The following CNTLN variants were observed in gnomAD, a reference collection of about 807,000 sequenced individuals.
CNTLN encodes centlein, centrosomal protein.
A neutral mutation model predicts 180.0 loss-of-function variants in CNTLN; 212 were observed. The observed-to-expected ratio is 1.18, with a 90% CI of 1.05 to 1.32. The LOEUF (loss-of-function observed/expected upper bound fraction) is 1.32, where lower values mean the gene tolerates loss of function less well. Ranked by LOEUF, CNTLN falls within the 40% of genes most tolerant of loss-of-function variation. CNTLN has a pLI of 0.00. For missense variants in CNTLN, 2,095 were observed against 1,610.9 expected (o/e 1.30, Z -5.14); for synonymous variants, 722 against 563.1 (o/e 1.28, Z -3.99).
At chr9:17,515,956 A>G in the CNTLN span, among the ~76,000 whole-genome samples, 1 of 152,134 alleles carries the variant, frequency 6.6e-6, no homozygotes, top group Non-Finnish European at 1.5e-5. Flanking sequence ...CCTGGCCACC[A>G]GTTCTCTATC....
intron 18 of CNTLN, among the ~76,000 whole-genome samples, chr9:17,440,083 G>A (rs998948633): frequency 7.2e-5 from 11 of 152,130 alleles, no homozygotes; most frequent in African/African-American, 2.4e-4. Flanking sequence ...TCCAGAAGCT[G>A]GATCGCTGAG....
Position 17,283,394 on chromosome 9 carries a change from TG to T in CNTLN, c.983+9529del, listed in dbSNP as rs532118784. Among the ~76,000 whole-genome samples the T allele has an allele frequency of 2.9e-3, 441 of 152,298 alleles. 1 individual carries two copies. Among genetic ancestry groups the T allele is most frequent in the Non-Finnish European group, 4.6e-3 (315 of 68,020 alleles). ...GAAGTTCATTCATGATTGGGCTCTC[TG>T]CTTGTCTATTGTTAGTGTATGGGAA... is the stretch of plus-strand genomic sequence containing the variant. On this transcript the variant is annotated intron_variant, in intron 6 of 25. Coordinates refer to ENST00000380647, the MANE Select transcript of CNTLN (RefSeq NM_017738.4).
At chr9:17,404,359 G>T (rs1827213385) in intron 15 of CNTLN, among the ~76,000 whole-genome samples, 1 of 151,668 alleles carries the variant, frequency 6.6e-6, no homozygotes, top group African/African-American at 2.4e-5. Context: ...CACTGGAGGA[G>T]TTTTTGCTTC....
intron 5 of CNTLN, among the ~76,000 whole-genome samples, chr9:17,252,704 G>A (rs918741635): frequency 2.6e-5 from 4 of 151,602 alleles, no homozygotes; most frequent in Non-Finnish European, 5.9e-5. Flanking sequence ...TTTGAAGATT[G>A]TCTGTTTTTT....
At chr9:17,362,332 G>A (rs1208727334) in intron 12 of CNTLN, among the ~76,000 whole-genome samples, 1 of 152,038 alleles carries the variant, frequency 6.6e-6, no homozygotes, top group African/African-American at 2.4e-5. Context: ...CTTAATCATT[G>A]TGTGGTTGAG....
intron 18 of CNTLN, among the ~76,000 whole-genome samples, chr9:17,433,850 G>C (rs1829589618): frequency 6.6e-6 from 1 of 151,998 alleles, no homozygotes; most frequent in African/African-American, 2.4e-5. Context: ...CAAAGTTCCG[G>C]GATTATAGGC....
At chr9:17,203,276 C>G (rs1261501403) in intron 2 of CNTLN, among the ~76,000 whole-genome samples, 1 of 152,032 alleles carries the variant, frequency 6.6e-6, no homozygotes, top group Non-Finnish European at 1.5e-5. Flanking sequence ...ACATTTTTTC[C>G]TTCATTTCAA....
intron 2 of CNTLN, among the ~76,000 whole-genome samples, chr9:17,156,603 A>G (rs1819309847): frequency 1.3e-5 from 2 of 152,142 alleles, no homozygotes; most frequent in Admixed American, 6.5e-5. Flanking sequence ...TGTACCCTAT[A>G]GTTGCCATAA....
chr9:17,466,053 G>A lies in CNTLN; in HGVS notation c.3604G>A (p.Ala1202Thr), dbSNP rs371466627. Residue 1202 changes from alanine (A) to threonine (T), a missense_variant, in exon 22 of 26, where the codon GCT (alanine) becomes ACT (threonine). Ala to Thr is a moderately conservative substitution (Grantham distance 58). Transcript: ENST00000380647. ...TTCACTAAAGCAAAGACTTAACGTTGCTGTAAAAGAAAAGTCACAGTATGA... is the reference window on the plus strand; with the variant it reads ...TTCACTAAAGCAAAGACTTAACGTTACTGTAAAAGAAAAGTCACAGTATGA... ...IDSLKQRLNV[A>T]VKEKSQYEQM... 6.2e-7 allele frequency: 1 copy of A among 1,605,598 alleles called. No homozygotes were observed. The highest frequency in any genetic ancestry group is 1.3e-5 in the African/African-American group (1 of 74,560).
chr9:17,252,255 C>A (rs979761164), intron 5 of CNTLN, among the ~76,000 whole-genome samples: 11 of 151,724 alleles, frequency 7.3e-5, no homozygotes, highest in African/African-American at 2.7e-4. Flanking sequence ...GGATAGATAC[C>A]CAGTAGTGGG....
At chr9:17,385,047 G>A (rs150086755) in intron 13 of CNTLN, among the ~76,000 whole-genome samples, 1 of 152,128 alleles carries the variant, frequency 6.6e-6, no homozygotes, top group African/African-American at 2.4e-5. Context: ...CCCTTCCTCA[G>A]ATTAGTTAAT....
At chr9:17,374,057 A>G (rs1169567308) in intron 13 of CNTLN, among the ~76,000 whole-genome samples, 2 of 152,216 alleles carry the variant, frequency 1.3e-5, no homozygotes. Context: ...TGGACTGAGC[A>G]AGGATCTTTT....
intron 9 of CNTLN, 123 bp from the exon 10 acceptor site, chr9:17,332,482 C>A: frequency 1.3e-6 from 1 of 780,956 alleles, no homozygotes; most frequent in Non-Finnish European, 1.9e-6. Context: ...GTATTCCATG[C>A]AGGATTTTTT....
At chr9:17,275,549 G>A (rs1828255308) in intron 6 of CNTLN, among the ~76,000 whole-genome samples, 1 of 152,138 alleles carries the variant, frequency 6.6e-6, no homozygotes, top group East Asian at 1.9e-4. Context: ...ATCTGGAACT[G>A]CATAAAATAT....
At chr9:17,179,181 T>C (rs151244592) in intron 2 of CNTLN, among the ~76,000 whole-genome samples, 2,653 of 141,550 alleles carry the variant, frequency 0.019, 46 homozygotes, top group Non-Finnish European at 0.026. Context: ...GAGGCGGAGC[T>C]TGCAGTGAGC....
chr9:17,320,574 T>G (rs940110457), intron 8 of CNTLN, among the ~76,000 whole-genome samples: 32 of 152,114 alleles, frequency 2.1e-4, no homozygotes, highest in African/African-American at 7.5e-4. Context: ...GTGATCTTGG[T>G]GCACTGCAAC....
chr9:17,429,217 C>A (rs1026868053), intron 18 of CNTLN, among the ~76,000 whole-genome samples: 1 of 152,040 alleles, frequency 6.6e-6, no homozygotes, highest in African/African-American at 2.4e-5. Flanking sequence ...CCCTATTTAT[C>A]TGAGCTTGTC....
intron 10 of CNTLN, among the ~76,000 whole-genome samples, chr9:17,336,739 G>C (rs568237152): frequency 5.3e-5 from 8 of 152,088 alleles, no homozygotes; most frequent in Non-Finnish European, 1.0e-4. Context: ...TAAGTTCTGG[G>C]ATACATGTGC....
At position 17,270,522 on chromosome 9, in the gene CNTLN, C is replaced by T. The variant is rs376962740; in HGVS notation, c.850-3211C>T. ...TAGTATAGCTTATTTTGGATTTTTGCATCTATATGCCTAAGTGATATTGCC... is the reference window on the plus strand; with the variant it reads ...TAGTATAGCTTATTTTGGATTTTTGTATCTATATGCCTAAGTGATATTGCC... On this transcript the variant is annotated intron_variant, in intron 5 of 25. Transcript: ENST00000380647. 5.3e-5 allele frequency among the ~76,000 whole-genome samples: 8 copies of T among 152,150 alleles called. No individual in the cohort carries two copies. In the East Asian group the frequency reaches 9.6e-4, roughly 18 times the overall value.
Sources: gnomAD v4.1 joint callset for allele counts (sites outside exome capture counted in the v4.1 genomes callset) on GRCh38, gnomAD v4.1.1 for gene constraint, MANE v1.5 for transcripts, NCBI Gene and HGNC (gene_info 2026-07-23, HGNC 2026-07-21) for gene names.